The following KIF11 variants were observed in gnomAD, a reference collection of about 807,000 sequenced individuals.
KIF11 encodes the protein kinesin family member 11.
KIF11 carries 9 observed loss-of-function variants against 121.0 expected under a neutral mutation model. The ratio of observed to expected loss-of-function variants is 0.07; its 90% CI spans 0.04 to 0.13. The LOEUF is 0.13. Ranked by LOEUF, KIF11 falls within the 10% of genes least tolerant of loss-of-function variation. KIF11 has a pLI of 1.00. For synonymous variants in KIF11, 408 were observed against 421.0 expected (o/e 0.97, Z 0.38); for missense variants, 846 against 1,217.5 (o/e 0.69, Z 4.54).
chr10:92,639,679 C>A, intron 16 of KIF11, 115 bp from the exon 17 acceptor site: 1 of 599,176 alleles, frequency 1.7e-6, no homozygotes, highest in Non-Finnish European at 2.9e-6. Context: ...TATCTCTTGT[C>A]AAGAATTTAT....
At chr10:92,622,340 C>T (rs921039093) in intron 10 of KIF11, among the ~76,000 whole-genome samples, 5 of 150,994 alleles carry the variant, frequency 3.3e-5, no homozygotes, top group Non-Finnish European at 5.9e-5. Context: ...ATAGGCTGGG[C>T]GCCGTGGCTC....
At chr10:92,594,456 T>C (rs1429843855) in intron 1 of KIF11, among the ~76,000 whole-genome samples, 1 of 152,212 alleles carries the variant, frequency 6.6e-6, no homozygotes, top group Non-Finnish European at 1.5e-5. Flanking sequence ...CTTCTGTTAG[T>C]AGTTAGTTGT....
intron 9 of KIF11, among the ~76,000 whole-genome samples, chr10:92,619,064 T>A (rs1178589264): frequency 6.6e-6 from 1 of 152,180 alleles, no homozygotes; most frequent in Non-Finnish European, 1.5e-5. Context: ...TTGCCCAGGC[T>A]GGAGTGCAGT....
chr10:92,600,032 A>G (rs1484939141), intron 1 of KIF11, among the ~76,000 whole-genome samples: 1 of 143,150 alleles, frequency 7.0e-6, no homozygotes, highest in Non-Finnish European at 1.5e-5. Context: ...TTGAGATGAA[A>G]TCTCGGTCTG....
In KIF11 at chr10:92,650,387, G is replaced by T; in HGVS notation, c.2923-14G>T. The stretch of plus-strand genomic sequence containing the variant: ...GCCCTTGGACTTAGTCACTCATCCA[G>T]TTTCTTCTTTTAGGATGTGGATGTA... On this transcript the variant is annotated splice_polypyrimidine_tract_variant and intron_variant, in intron 20 of 21. Transcript: ENST00000260731. 6.6e-7 allele frequency: 1 copy of T among 1,512,330 alleles called. No individual in the cohort carries two copies. The highest frequency in any genetic ancestry group is 9.2e-7 in the Non-Finnish European group (1 of 1,087,426). 93.7% of individuals were successfully genotyped at this position (1,512,330 alleles called of 1,614,324 possible). A position where few individuals can be genotyped will look rare whatever the true frequency, so the allele number is the denominator to read the frequency against.
Position 92,632,665 on chromosome 10 carries a change from C to T in KIF11, c.1674C>T (p.Ala558=), listed in dbSNP as rs765721226. The T allele has an allele frequency of 2.0e-5, 33 of 1,611,242 alleles. No homozygotes were observed. The highest frequency in any genetic ancestry group is 2.8e-5 in the Non-Finnish European group (33 of 1,178,498). Residue 558 remains alanine, a synonymous_variant, in exon 13 of 22, where the codon GCC becomes GCT. Coordinates refer to ENST00000260731, the MANE Select transcript of KIF11 (RefSeq NM_004523.4). ...AGGATGGCAGCTCAAAGCAAAAGGC[C>T]ATGCTAGAAGTACATAAGACCTTAT... ...LIKDGSSKQK[A]MLEVHKTLFG...
Position 92,645,668 on chromosome 10 carries a change from C to G in KIF11, c.2547+26C>G, listed in dbSNP as rs199633318. 2,517 of 1,497,376 alleles carry G rather than the reference C, an allele frequency of 1.7e-3. 47 individuals are homozygous for G. The highest frequency in any genetic ancestry group is 9.0e-3 in the South Asian group (699 of 77,976). The allele number at this position is 1,497,376 out of a possible 1,614,324, so 92.8% of individuals were successfully genotyped here. A position where few individuals can be genotyped will look rare whatever the true frequency, so the allele number is the denominator to read the frequency against. On this transcript the variant is annotated intron_variant, in intron 18 of 21. Coordinates refer to ENST00000260731, the MANE Select transcript of KIF11 (RefSeq NM_004523.4). ...GTAATAACTTTGTAAGTGGAACTTA[C>G]TTTGGGGAGAATAATAATCAGAAAG...
chr10:92,644,624 T>A (rs543657662), intron 17 of KIF11, among the ~76,000 whole-genome samples: 1 of 152,342 alleles, frequency 6.6e-6, no homozygotes, highest in East Asian at 1.9e-4. Context: ...TTGCCCTTTT[T>A]TCAGTCATTG....
intron 20 of KIF11, 83 bp downstream of exon 20, chr10:92,650,069 T>G: frequency 1.9e-6 from 2 of 1,055,562 alleles, no homozygotes; most frequent in Non-Finnish European, 1.4e-6. Flanking sequence ...AATTTTACTG[T>G]TTACCCCTCA....
Position 92,613,290 on chromosome 10 carries a change from T to G in KIF11, c.790-87T>G. 9.0e-7 allele frequency: 1 copy of G among 1,107,484 alleles called. No homozygotes were observed. The highest frequency in any genetic ancestry group is 1.6e-5 in the South Asian group (1 of 62,250). 68.6% of individuals were successfully genotyped at this position (1,107,484 alleles called of 1,614,324 possible). A position where few individuals can be genotyped will look rare whatever the true frequency, so the allele number is the denominator to read the frequency against. On this transcript the variant is annotated intron_variant, in intron 7 of 21. Coordinates refer to ENST00000260731, the MANE Select transcript of KIF11 (RefSeq NM_004523.4). The surrounding 1 kb of genome is among the most constrained non-coding windows in gnomAD (Gnocchi z 4.2). ...CAGAAAAAATTATTTTGCTGGCGATTTAATACATTATGTATCCTGTGAGAA... is the reference window on the plus strand; with the variant it reads ...CAGAAAAAATTATTTTGCTGGCGATGTAATACATTATGTATCCTGTGAGAA...
In KIF11 at chr10:92,639,815, C is replaced by A; in HGVS notation, c.2182C>A (p.Leu728Ile). 1 of 1,610,234 alleles carries A rather than the reference C, an allele frequency of 6.2e-7. No homozygotes were observed. Among genetic ancestry groups the A allele is most frequent in the African/African-American group, 1.3e-5 (1 of 74,922 alleles). ...ACAGGAACTTTGCAAGTTAATGAAT[C>A]TTTGGACAGAGAGATTCTGTGCTTT... Reference protein sequence around the residue: ...HSQELCKLMNLWTERFCALEE... With the variant: ...HSQELCKLMNIWTERFCALEE... The change falls in exon 17 of 22, where the codon CTT becomes ATT. Residue 728 changes from leucine (L) to isoleucine (I), a missense_variant. Physicochemically the swap from Leu to Ile is conservative, Grantham distance 5. Coordinates refer to ENST00000260731, the MANE Select transcript of KIF11 (RefSeq NM_004523.4).
intron 16 of KIF11, 25 bp from the exon 17 acceptor site, chr10:92,639,764 GTCTCT>G: frequency 4.7e-6 from 6 of 1,279,488 alleles, no homozygotes; most frequent in Non-Finnish European, 6.7e-6. Context: ...ATAATTTTAA[GTCTCT>G]TCACTTCCCA....
intron 1 of KIF11, among the ~76,000 whole-genome samples, chr10:92,599,309 G>A (rs947051890): frequency 1.3e-5 from 2 of 151,618 alleles, no homozygotes; most frequent in South Asian, 2.1e-4. Flanking sequence ...TCCTGATCAC[G>A]AGATCAGGAG....
intron 11 of KIF11, among the ~76,000 whole-genome samples, chr10:92,629,731 A>C (rs1256344708): frequency 6.6e-6 from 1 of 152,132 alleles, no homozygotes; most frequent in East Asian, 1.9e-4. Context: ...CTCCTGCCTC[A>C]GCCTCCTGAG....
rs972792626 is a variant in KIF11, at chr10:92,653,562, A to C, written c.3040-103A>C. 6.1e-6 allele frequency: 7 copies of C among 1,142,482 alleles called. No homozygotes were observed. In the South Asian group the frequency reaches 7.8e-5, roughly 13 times the overall value. The allele number at this position is 1,142,482 out of a possible 1,614,324, so 70.8% of individuals were successfully genotyped here. ...AACCTTTTTTGGTTTTCTACACTTA[A>C]GTTTTTTTGCCTATAACCCAGAGAA... On this transcript the variant is annotated intron_variant, in intron 21 of 21. Transcript: ENST00000260731.
chr10:92,651,541 TTTTTTTTAGTAGAGGGGGTTTCTCTG>T (rs1844984142), intron 21 of KIF11, among the ~76,000 whole-genome samples: 1 of 98,258 alleles, frequency 1.0e-5, no homozygotes, highest in Non-Finnish European at 2.0e-5. Context: ...TTTTTTTTTT[TTTTTTTTAGTAGAGGGGGTTTCTCTG>T]TGTTGGTCAG....
At chr10:92,614,647 A>G (rs1456217927) in intron 8 of KIF11, among the ~76,000 whole-genome samples, 1 of 152,194 alleles carries the variant, frequency 6.6e-6, no homozygotes, top group African/African-American at 2.4e-5. Flanking sequence ...AGTGTGGTAG[A>G]GGCTGCTTAG....
chr10:92,621,248 G>A (rs1844614075), intron 9 of KIF11, 137 bp from the exon 10 acceptor site: 2 of 495,756 alleles, frequency 4.0e-6, no homozygotes, highest in South Asian at 6.7e-5. Flanking sequence ...AAAAAGTATG[G>A]TTATAACTTT....
In KIF11 at chr10:92,606,361, T is replaced by A. The variant is rs777923201; in HGVS notation, c.174T>A (p.Ala58=). 6.2e-7 allele frequency: 1 copy of A among 1,611,870 alleles called. No homozygotes were observed. Among genetic ancestry groups the A allele is most frequent in the Non-Finnish European group, 8.5e-7 (1 of 1,179,430 alleles). Residue 58 remains alanine (A), a synonymous_variant, in exon 2 of 22, where the codon GCT becomes GCA. Coordinates refer to ENST00000260731, the MANE Select transcript of KIF11 (RefSeq NM_004523.4). The part of the protein sequence containing the change: ...KEVSVRTGGL[A]DKSSRKTYTF... ...TTAGTGTACGAACTGGAGGATTGGC[T>A]GACAAGAGCTCAAGGAAAACATACA...
Sources: allele counts gnomAD v4.1 joint callset (sites outside exome capture counted in the v4.1 genomes callset), GRCh38; gene constraint gnomAD v4.1.1; non-coding constraint Gnocchi (gnomAD v3.1); transcripts MANE v1.5; gene names NCBI Gene and HGNC (gene_info 2026-07-23, HGNC 2026-07-21).